Variants in PCDH11X observed in about 807,000 individuals in gnomAD.
PCDH11X encodes protocadherin-11 X-linked.
Under a neutral mutation model 53.3 loss-of-function variants are expected in PCDH11X, and 18 were observed. That is an observed-to-expected ratio of 0.34 (90% CI 0.23 to 0.50). PCDH11X has a LOEUF of 0.50. Ranked by LOEUF, PCDH11X falls within the 20% of genes least tolerant of loss-of-function variation. PCDH11X has a pLI of 0.98. For missense variants in PCDH11X, 570 were observed against 1,032.4 expected, an observed-to-expected ratio of 0.55 and a Z score of 6.14; for synonymous variants, 279 against 393.3, an observed-to-expected ratio of 0.71 and a Z score of 3.44.
chrX:92,622,136 A>ATT lies in PCDH11X; in HGVS notation c.*3199_*3200dup, dbSNP rs1448459010. ...TTTTGTGTATTCTTATTTACTTAAC[A>ATT]TTTTACTTTTAATTATGTAAATTTG... On this transcript the variant is annotated 3_prime_UTR_variant, in exon 11 of 11. Coordinates refer to ENST00000682573, the MANE Select transcript of PCDH11X (RefSeq NM_032968.5). 1 of 100,024 alleles carries ATT rather than the reference A, an allele frequency of 1.0e-5. No homozygotes were observed. The highest frequency in any genetic ancestry group is 2.0e-5 in the Non-Finnish European group (1 of 49,549). The allele number at this position is 100,024 out of a possible 1,213,427, so 8.2% of individuals were successfully genotyped here.
intron 6 of PCDH11X, among the ~76,000 whole-genome samples, chrX:91,912,782 A>G (rs1416103266): frequency 9.1e-6 from 1 of 109,810 alleles, no homozygotes; most frequent in Non-Finnish European, 1.9e-5. Flanking sequence ...CCCCACAGGA[A>G]CATACCAGGA....
chrX:92,577,647 C>T (rs1602372172), intron 10 of PCDH11X, among the ~76,000 whole-genome samples: 1 of 110,919 alleles, frequency 9.0e-6, no homozygotes, highest in East Asian at 2.9e-4. Context: ...AGAATGTCAA[C>T]TTGAGATCTT....
chrX:92,175,619 A>G (rs1266819428), intron 6 of PCDH11X, among the ~76,000 whole-genome samples: 2 of 109,244 alleles, frequency 1.8e-5, no homozygotes, highest in Admixed American at 2.0e-4. Flanking sequence ...ATATCTATCT[A>G]TGTATCTATC....
rs1239199733 is a variant in PCDH11X, at chrX:92,488,361, T to C, written c.3367+20039T>C. Among the ~76,000 whole-genome samples the C allele has an allele frequency of 5.4e-5, 6 of 111,394 alleles. No homozygotes were observed. The South Asian group carries it at 2.3e-3, about 42-fold the overall frequency. On this transcript the variant is annotated intron_variant, in intron 10 of 10. Coordinates refer to ENST00000682573, the MANE Select transcript of PCDH11X (RefSeq NM_032968.5). ...TCTGAGTTGTTCACCTGTGTTTCTG[T>C]AGTTCCTTCAACAATATCTAGCACA...
In PCDH11X at chrX:92,166,766, C is replaced by T. The variant is rs141430413; in HGVS notation, c.3034-34609C>T. On this transcript the variant is annotated intron_variant, in intron 6 of 10. Transcript: ENST00000682573. ...TTTAAAAATTAGCTGGGCATAGTGG[C>T]ATGTGCTTGTAGACCTGGCTACCCA... Among the ~76,000 whole-genome samples the T allele has an allele frequency of 5.9e-3, 649 of 110,698 alleles. 7 individuals are homozygous for T. The highest frequency in any genetic ancestry group is 0.02 in the African/African-American group (613 of 30,479).
intron 6 of PCDH11X, among the ~76,000 whole-genome samples, chrX:91,967,978 A>C (rs2061891437): frequency 9.0e-6 from 1 of 111,445 alleles, no homozygotes; most frequent in African/African-American, 3.3e-5. Context: ...CCAGCTAATA[A>C]AGGGTAATGC....
chrX:92,370,476 T>C (rs74981239), intron 8 of PCDH11X, among the ~76,000 whole-genome samples: 1 of 106,353 alleles, frequency 9.4e-6, no homozygotes, highest in Non-Finnish European at 1.9e-5. Flanking sequence ...TTTTTTTTTT[T>C]TGAGACAGAG....
At chrX:92,557,663 T>C (rs1029036580) in intron 10 of PCDH11X, among the ~76,000 whole-genome samples, 1 of 108,577 alleles carries the variant, frequency 9.2e-6, no homozygotes, top group Non-Finnish European at 1.9e-5. Context: ...AGGTCCAAAC[T>C]TTCCCATATT....
At chrX:92,292,671 C>T (rs912748723) in intron 8 of PCDH11X, among the ~76,000 whole-genome samples, 17 of 111,587 alleles carry the variant, frequency 1.5e-4, no homozygotes, top group African/African-American at 5.5e-4. Context: ...TGGTGCCCTA[C>T]ACCACTGCAC....
At chrX:92,246,328 T>C (rs886645526) in intron 7 of PCDH11X, among the ~76,000 whole-genome samples, 6 of 111,538 alleles carry the variant, frequency 5.4e-5, no homozygotes, top group Non-Finnish European at 7.5e-5. Context: ...CAAGTTGTGG[T>C]GAAAAGATTT....
chrX:91,832,188 G>A (rs1364769453), intron 4 of PCDH11X, among the ~76,000 whole-genome samples: 11 of 102,773 alleles, frequency 1.1e-4, no homozygotes, highest in South Asian at 1.0e-3. Flanking sequence ...AAAGACACAC[G>A]CACATGTATG....
At chrX:92,218,710 A>T (rs1370442573) in intron 7 of PCDH11X, among the ~76,000 whole-genome samples, 1 of 111,629 alleles carries the variant, frequency 9.0e-6, no homozygotes, top group Non-Finnish European at 1.9e-5. Context: ...GGCCAGCATC[A>T]TCCTGATACC....
At chrX:92,215,173 C>T (rs1056698579) in intron 7 of PCDH11X, among the ~76,000 whole-genome samples, 4 of 110,920 alleles carry the variant, frequency 3.6e-5, no homozygotes, top group African/African-American at 9.8e-5. Context: ...CCGGGTTCAT[C>T]TCACTAGGGA....
At chrX:92,541,429 G>A (rs1041709330) in intron 10 of PCDH11X, among the ~76,000 whole-genome samples, 1 of 111,238 alleles carries the variant, frequency 9.0e-6, no homozygotes, top group African/African-American at 3.3e-5. Flanking sequence ...GGATGGGGAG[G>A]GGTGGTGTCA....
chrX:92,609,260 A>G (rs1414709595), intron 10 of PCDH11X, among the ~76,000 whole-genome samples: 1 of 111,616 alleles, frequency 9.0e-6, no homozygotes, highest in Non-Finnish European at 1.9e-5. Context: ...AATATGCAGG[A>G]CTGGAATTGC....
intron 6 of PCDH11X, among the ~76,000 whole-genome samples, chrX:91,955,701 A>G (rs1802479645): frequency 8.9e-6 from 1 of 112,103 alleles, no homozygotes. Flanking sequence ...ATTTTAGAGT[A>G]AGTGCCATGT....
chrX:91,892,047 TAGAG>T (rs1473514694), intron 6 of PCDH11X, among the ~76,000 whole-genome samples: 8 of 79,970 alleles, frequency 1.0e-4, no homozygotes, highest in African/African-American at 3.7e-4. Flanking sequence ...GTGTGTGTGT[TAGAG>T]AGAGAGAGAG....
chrX:92,614,880 G>C (rs1023600607), intron 10 of PCDH11X, among the ~76,000 whole-genome samples: 1 of 111,963 alleles, frequency 8.9e-6, no homozygotes, highest in African/African-American at 3.3e-5. Flanking sequence ...GTGGAGCAGA[G>C]AGAGATGCCT....
chrX:92,519,656 C>CCT (rs1199300776), intron 10 of PCDH11X, among the ~76,000 whole-genome samples: 37 of 107,553 alleles, frequency 3.4e-4, no homozygotes, highest in East Asian at 1.8e-3. Flanking sequence ...AAAAGTGTAC[C>CCT]CTTTATTATT....
Sources: allele counts gnomAD v4.1 joint callset (sites outside exome capture counted in the v4.1 genomes callset), GRCh38; gene constraint gnomAD v4.1.1; transcripts MANE v1.5; gene names NCBI Gene and HGNC (gene_info 2026-07-23, HGNC 2026-07-21).